The following ANKS1B variants were observed in gnomAD, a reference collection of about 807,000 sequenced individuals.
The protein encoded by ANKS1B is ankyrin repeat and sterile alpha motif domain-containing protein 1B.
Under a neutral mutation model 148.3 loss-of-function variants are expected in ANKS1B, and 36 were observed. The observed-to-expected ratio is 0.24, with a 90% CI of 0.19 to 0.32. The LOEUF (loss-of-function observed/expected upper bound fraction) is 0.32, where lower values mean the gene tolerates loss of function less well. Ranked by LOEUF, ANKS1B falls within the 10% of genes least tolerant of loss-of-function variation. ANKS1B has a pLI of 1.00. For missense variants in ANKS1B, 1,157 were observed against 1,542.6 expected, an observed-to-expected ratio of 0.75 and a Z score of 4.19; for synonymous variants, 542 against 560.8, an observed-to-expected ratio of 0.97 and a Z score of 0.47.
At chr12:99,225,733 G>A (rs2085823838) in intron 14 of ANKS1B, among the ~76,000 whole-genome samples, 1 of 152,250 alleles carries the variant, frequency 6.6e-6, no homozygotes, top group African/African-American at 2.4e-5. Context: ...AGTTACACCA[G>A]TGATTTGCTA....
chr12:99,707,792 C>G (rs561590537), intron 8 of ANKS1B, among the ~76,000 whole-genome samples: 2 of 151,780 alleles, frequency 1.3e-5, no homozygotes, highest in Non-Finnish European at 2.9e-5. Context: ...CTCTCATAGG[C>G]TTCGCTGTCT....
chr12:99,247,158 C>T (rs765092738), intron 12 of ANKS1B, among the ~76,000 whole-genome samples: 6 of 151,994 alleles, frequency 3.9e-5, no homozygotes, highest in Non-Finnish European at 8.8e-5. Context: ...TCCCTTGAAC[C>T]CAGGGTGTAT....
chr12:99,722,769 G>A (rs1413367287), intron 8 of ANKS1B, among the ~76,000 whole-genome samples: 1 of 152,222 alleles, frequency 6.6e-6, no homozygotes, highest in African/African-American at 2.4e-5. Context: ...CACCGTCAGA[G>A]GCTCCCATCA....
intron 25 of ANKS1B, among the ~76,000 whole-genome samples, chr12:98,754,275 T>C (rs1260020056): frequency 1.3e-5 from 2 of 152,324 alleles, no homozygotes; most frequent in South Asian, 2.1e-4. Context: ...CAGCAAATGA[T>C]AGTGGAGGAG....
intron 1 of ANKS1B, among the ~76,000 whole-genome samples, chr12:99,842,953 T>C (rs1022496972): frequency 7.9e-5 from 12 of 152,196 alleles, no homozygotes; most frequent in Non-Finnish European, 1.6e-4. Context: ...TTTGGAAATG[T>C]TACCATACAC....
intron 8 of ANKS1B, among the ~76,000 whole-genome samples, chr12:99,755,414 G>T (rs994579232): frequency 6.6e-6 from 1 of 151,956 alleles, no homozygotes; most frequent in Non-Finnish European, 1.5e-5. Context: ...TCTACCAGAT[G>T]TACAAAGAAG....
chr12:98,843,877 C>T (rs143850861), intron 17 of ANKS1B, among the ~76,000 whole-genome samples: 24 of 152,280 alleles, frequency 1.6e-4, no homozygotes, highest in African/African-American at 5.8e-4. Flanking sequence ...AATTCCCTTT[C>T]CTTCAATACC....
At chr12:99,833,851 A>AT (rs1359337549) in intron 1 of ANKS1B, among the ~76,000 whole-genome samples, 1 of 152,194 alleles carries the variant, frequency 6.6e-6, no homozygotes, top group Non-Finnish European at 1.5e-5. Context: ...AAAATTAATT[A>AT]TAATACACAC....
At chr12:99,682,664 C>T (rs1260899116) in intron 8 of ANKS1B, among the ~76,000 whole-genome samples, 1 of 152,000 alleles carries the variant, frequency 6.6e-6, no homozygotes, top group African/African-American at 2.4e-5. Flanking sequence ...TGAAAGAGCA[C>T]ATATAGACAA....
At chr12:99,432,944 T>C (rs2095402270) in intron 11 of ANKS1B, among the ~76,000 whole-genome samples, 1 of 152,174 alleles carries the variant, frequency 6.6e-6, no homozygotes, top group South Asian at 2.1e-4. Context: ...TTCTTTACTT[T>C]CAGTGAGATG....
intron 8 of ANKS1B, among the ~76,000 whole-genome samples, chr12:99,728,137 T>A (rs910149756): frequency 4.0e-5 from 6 of 151,850 alleles, no homozygotes; most frequent in African/African-American, 1.2e-4. Context: ...ACAAATGAGA[T>A]CTAATTAAAG....
intron 10 of ANKS1B, among the ~76,000 whole-genome samples, chr12:99,491,764 A>C (rs1247189137): frequency 6.6e-6 from 1 of 152,172 alleles, no homozygotes; most frequent in African/African-American, 2.4e-5. Context: ...ATAAACTCAA[A>C]ATCATGCAAT....
At chr12:98,935,844 G>A (rs60059681) in intron 17 of ANKS1B, among the ~76,000 whole-genome samples, 10,109 of 152,140 alleles carry the variant, frequency 0.066, 710 homozygotes, top group South Asian at 0.25. Flanking sequence ...GCTACAAATC[G>A]AGTTGTGAAA....
intron 8 of ANKS1B, among the ~76,000 whole-genome samples, chr12:99,687,623 T>A (rs1281634891): frequency 2.6e-5 from 4 of 152,212 alleles, no homozygotes; most frequent in Non-Finnish European, 2.9e-5. Context: ...TCTCATCTAG[T>A]ACACTTTTCA....
chr12:99,798,433 A>AACC (rs1555618342), intron 4 of ANKS1B, among the ~76,000 whole-genome samples: 1 of 145,030 alleles, frequency 6.9e-6, no homozygotes, highest in Admixed American at 6.8e-5. Flanking sequence ...TAAAAAAAAA[A>AACC]AAAAAAAAAA....
At chr12:99,207,512 G>C (rs1043181899) in intron 14 of ANKS1B, among the ~76,000 whole-genome samples, 1 of 151,984 alleles carries the variant, frequency 6.6e-6, no homozygotes, top group African/African-American at 2.4e-5. Flanking sequence ...ATTTAAGTCT[G>C]TTAGTAAACA....
chr12:99,248,454 C>A (rs1206883240), intron 12 of ANKS1B, among the ~76,000 whole-genome samples: 4 of 152,194 alleles, frequency 2.6e-5, no homozygotes, highest in Non-Finnish European at 5.9e-5. Flanking sequence ...ACAAATGCAA[C>A]AATCTGCATC....
At chr12:99,441,685 T>C (rs932229867) in intron 11 of ANKS1B, among the ~76,000 whole-genome samples, 1 of 151,996 alleles carries the variant, frequency 6.6e-6, no homozygotes, top group Non-Finnish European at 1.5e-5. Context: ...CTTATTTGTT[T>C]TTCTCCTTAA....
At chr12:99,648,442 C>T (rs181913768) in intron 9 of ANKS1B, 57 of 1,614,152 alleles carry the variant, frequency 3.5e-5, no homozygotes, top group Admixed American at 1.3e-4. Flanking sequence ...GCTGCTGGCC[C>T]GACCAGCTGC....
Sources: gnomAD v4.1 joint callset for allele counts (sites outside exome capture counted in the v4.1 genomes callset) on GRCh38, gnomAD v4.1.1 for gene constraint, MANE v1.5 for transcripts, NCBI Gene and HGNC (gene_info 2026-07-23, HGNC 2026-07-21) for gene names.